Variants in ARHGAP12 observed in about 807,000 individuals in gnomAD.
The protein encoded by ARHGAP12 is Rho GTPase activating protein 12.
A neutral mutation model predicts 108.6 loss-of-function variants in ARHGAP12; 64 were observed. The ratio of observed to expected loss-of-function variants is 0.59; its 90% CI spans 0.48 to 0.73. ARHGAP12 has a LOEUF of 0.73. Among genes scored for constraint, ARHGAP12 ranks in the 30% least tolerant of loss-of-function variants. The pLI is 0.00. For missense variants in ARHGAP12, 940 were observed against 1,005.9 expected (o/e 0.93, Z 0.89); for synonymous variants, 312 against 337.2 (o/e 0.93, Z 0.82).
chr10:31,814,704 T>C (rs1162460645), intron 13 of ARHGAP12, among the ~76,000 whole-genome samples: 1 of 152,116 alleles, frequency 6.6e-6, no homozygotes, highest in African/African-American at 2.4e-5. Context: ...AAAAACACAA[T>C]AGAGCTACAT....
intron 15 of ARHGAP12, 42 bp from the exon 16 acceptor site, chr10:31,810,789 A>G (rs369047597): frequency 1.4e-6 from 2 of 1,464,582 alleles, no homozygotes; most frequent in African/African-American, 2.8e-5. Context: ...ACCTTGCTGA[A>G]ATTCAGTTCA....
chr10:31,853,720 A>G (rs1435213971), intron 5 of ARHGAP12, among the ~76,000 whole-genome samples: 1 of 152,224 alleles, frequency 6.6e-6, no homozygotes, highest in African/African-American at 2.4e-5. Context: ...CAGTGAGGCG[A>G]TGTATGATAA....
rs1834860727 is a variant in ARHGAP12, at chr10:31,807,562, G to C, written c.*96C>G. 7.8e-7 allele frequency: 1 copy of C among 1,289,644 alleles called. No homozygotes were observed. The highest frequency in any genetic ancestry group is 2.8e-5 in the Admixed American group (1 of 35,572). 79.9% of individuals were successfully genotyped at this position (1,289,644 alleles called of 1,614,324 possible). A position where few individuals can be genotyped will look rare whatever the true frequency, so the allele number is the denominator to read the frequency against. On this transcript the variant is annotated 3_prime_UTR_variant, in exon 20 of 20. Coordinates refer to ENST00000344936, the MANE Select transcript of ARHGAP12 (RefSeq NM_018287.7). ...CAAAAAAAAAGTGCAAAATCAAAGA[G>C]TCACTGCTTGGTCCAAAAAATAAAA... is the stretch of plus-strand genomic sequence containing the variant.
chr10:31,838,239 A>G (rs1167317344), intron 9 of ARHGAP12, among the ~76,000 whole-genome samples: 1 of 152,178 alleles, frequency 6.6e-6, no homozygotes, highest in South Asian at 2.1e-4. Context: ...TCTGAAAGGC[A>G]GGCTCCTTTG....
chr10:31,887,820 G>T (rs1281286874), intron 3 of ARHGAP12, among the ~76,000 whole-genome samples: 1 of 151,948 alleles, frequency 6.6e-6, no homozygotes, highest in Non-Finnish European at 1.5e-5. Flanking sequence ...ACCACACCTG[G>T]CTAATTTTTT....
In ARHGAP12 at chr10:31,886,274, A is replaced by G. The variant is rs573305993; in HGVS notation, c.684+21898T>C. Among the ~76,000 whole-genome samples, 22 of 152,246 alleles carry G rather than the reference A, an allele frequency of 1.4e-4. No homozygotes were observed. The South Asian group carries it at 3.9e-3, about 27-fold the overall frequency. On this transcript the variant is annotated intron_variant, in intron 3 of 19. Transcript: ENST00000344936. ...AACACAGAACATTTTTAATGTACAC[A>G]TTTTTTTAATGACTCTATCAGGATT... is the stretch of plus-strand genomic sequence containing the variant.
intron 1 of ARHGAP12, among the ~76,000 whole-genome samples, chr10:31,914,862 G>A (rs1241871187): frequency 6.6e-6 from 1 of 152,124 alleles, no homozygotes; most frequent in Non-Finnish European, 1.5e-5. Context: ...AGCAGTATTC[G>A]AAATAGGCAA....
chr10:31,887,617 C>T (rs1424127050), intron 3 of ARHGAP12, among the ~76,000 whole-genome samples: 1 of 151,302 alleles, frequency 6.6e-6, no homozygotes, highest in African/African-American at 2.4e-5. Context: ...TGCACAAACT[C>T]TCATTCAAAG....
At chr10:31,845,611 C>G (rs763927120) in intron 6 of ARHGAP12, among the ~76,000 whole-genome samples, 64 of 151,928 alleles carry the variant, frequency 4.2e-4, no homozygotes, top group Non-Finnish European at 5.6e-4. Context: ...ATGGTAAAAG[C>G]CTGTCTCTAC....
At chr10:31,928,607 C>T (rs1003542428) in intron 1 of ARHGAP12, 76 bp downstream of exon 1, 2 of 152,440 alleles carry the variant, frequency 1.3e-5, no homozygotes, top group Non-Finnish European at 2.9e-5. Context: ...CGGGCACAGC[C>T]CGGCCCCGGC....
chr10:31,882,328 G>A lies in ARHGAP12; in HGVS notation c.685-20670C>T, dbSNP rs12247623. 4.9e-4 allele frequency among the ~76,000 whole-genome samples: 75 copies of A among 152,156 alleles called. 1 individual carries two copies. Among genetic ancestry groups the A allele is most frequent in the Middle Eastern group, 3.4e-3 (1 of 294 alleles). On this transcript the variant is annotated intron_variant, in intron 3 of 19. Transcript: ENST00000344936. ...GGAGTTTAGCAACTGATATCTAATG[G>A]TGTAATTACTTTTTGTCCCCAAAAG...
rs1001768184 is a variant in ARHGAP12 at position 31,881,953 on chromosome 10, C to T, written c.685-20295G>A. Among the ~76,000 whole-genome samples, 13 of 143,006 alleles carry T rather than the reference C, an allele frequency of 9.1e-5. No individual in the cohort carries two copies. The East Asian group carries it at 2.6e-3, about 29-fold the overall frequency. 93.8% of individuals were successfully genotyped at this position (143,006 alleles called of 152,430 possible). ...TTTTTGAGACGGAGTCTCGCTCTGT[C>T]GCCCAGGCTGGAGTGCAGTGGCTGG... On this transcript the variant is annotated intron_variant, in intron 3 of 19. Coordinates refer to ENST00000344936, the MANE Select transcript of ARHGAP12 (RefSeq NM_018287.7).
chr10:31,878,960 T>C (rs1564406965), intron 3 of ARHGAP12, among the ~76,000 whole-genome samples: 1 of 152,220 alleles, frequency 6.6e-6, no homozygotes, highest in Non-Finnish European at 1.5e-5. Flanking sequence ...CCTTTAACAT[T>C]AAGAGTCCCC....
intron 4 of ARHGAP12, among the ~76,000 whole-genome samples, chr10:31,857,465 A>G (rs950463080): frequency 1.3e-5 from 2 of 152,212 alleles, no homozygotes; most frequent in Non-Finnish European, 2.9e-5. Context: ...GAGGTTAAAC[A>G]TTCATCTAAT....
chr10:31,856,292 T>A (rs1316985310), intron 4 of ARHGAP12, among the ~76,000 whole-genome samples: 1 of 152,096 alleles, frequency 6.6e-6, no homozygotes, highest in Non-Finnish European at 1.5e-5. Context: ...AGCTTTCTTC[T>A]TGAAGGCATT....
chr10:31,854,026 A>T (rs1276385175), intron 5 of ARHGAP12, 40 bp downstream of exon 5: 2 of 1,576,170 alleles, frequency 1.3e-6, no homozygotes, highest in African/African-American at 2.7e-5. Flanking sequence ...TTATGAGAGA[A>T]TTCTGCCAAA....
intron 3 of ARHGAP12, among the ~76,000 whole-genome samples, chr10:31,872,598 A>AT (rs1837581709): frequency 6.6e-6 from 1 of 152,194 alleles, no homozygotes. Flanking sequence ...CTTTTGCTGA[A>AT]TAACTAAAAT....
intron 9 of ARHGAP12, among the ~76,000 whole-genome samples, chr10:31,837,660 T>C (rs1256735316): frequency 6.6e-6 from 1 of 152,138 alleles, no homozygotes; most frequent in Non-Finnish European, 1.5e-5. Flanking sequence ...CAGAAGGAAA[T>C]GTGTACAACC....
chr10:31,807,767 G>A lies in ARHGAP12; in HGVS notation c.2432C>T (p.Thr811Ile). The part of the protein sequence containing the change: ...YQSIAIVFGP[T>I]LLKPEKETGN... ...AGTCTCTTTTTCTGGTTTTAATAGA[G>A]TGGGACCAAAAACAATTGCTATACT... The change falls in exon 20 of 20, where the codon ACT becomes ATT. Residue 811 changes from threonine (T) to isoleucine (I), a missense_variant. By Grantham distance (89) the Thr-to-Ile change is moderately conservative. Transcript: ENST00000344936. 1.2e-6 allele frequency: 2 copies of A among 1,606,588 alleles called. No individual in the cohort carries two copies. The highest frequency in any genetic ancestry group is 2.2e-5 in the East Asian group (1 of 44,536).
Sources: gnomAD v4.1 joint callset for allele counts (sites outside exome capture counted in the v4.1 genomes callset) on GRCh38, gnomAD v4.1.1 for gene constraint, MANE v1.5 for transcripts, NCBI Gene and HGNC (gene_info 2026-07-23, HGNC 2026-07-21) for gene names.